The following CLSTN2 variants were observed in gnomAD, a reference collection of about 807,000 sequenced individuals.
CLSTN2 encodes calsyntenin 2.
CLSTN2 carries 48 observed loss-of-function variants against 101.2 expected under a neutral mutation model. The observed-to-expected ratio is 0.47, with a 90% CI of 0.38 to 0.60. The LOEUF is 0.60. CLSTN2 is among the 20% of genes least tolerant of loss of function. CLSTN2 has a pLI of 0.00. For missense variants in CLSTN2, 1,160 were observed against 1,238.2 expected (o/e 0.94, Z 0.95); for synonymous variants, 481 against 463.6 (o/e 1.04, Z -0.48).
intron 1 of CLSTN2, among the ~76,000 whole-genome samples, chr3:140,129,614 T>G (rs576518074): frequency 4.3e-4 from 66 of 152,204 alleles, no homozygotes; most frequent in Non-Finnish European, 6.9e-4. Context: ...AAGGACTGTA[T>G]CTTTCTTCTG....
intron 11 of CLSTN2, among the ~76,000 whole-genome samples, chr3:140,557,472 T>A (rs1322697383): frequency 6.6e-6 from 1 of 152,162 alleles, no homozygotes; most frequent in African/African-American, 2.4e-5. Context: ...TACCTCCAGG[T>A]CGTTGCCACA....
chr3:140,419,046 C>A (rs1408027636), intron 4 of CLSTN2, among the ~76,000 whole-genome samples: 1 of 147,080 alleles, frequency 6.8e-6, no homozygotes, highest in South Asian at 2.1e-4. Context: ...AAAAAAAAAT[C>A]TTTCAAGCAT....
rs765781690 is a variant in CLSTN2 at position 140,403,616 on chromosome 3, C to T, written c.233-13C>T. ...CTCAGGATTCCCACTCACTGTTTTCCATCCTTCTGCAGGGGAAATCTGTGC... is the reference window on the plus strand; with the variant it reads ...CTCAGGATTCCCACTCACTGTTTTCTATCCTTCTGCAGGGGAAATCTGTGC... On this transcript the variant is annotated splice_polypyrimidine_tract_variant and intron_variant, in intron 2 of 16. Transcript: ENST00000458420. 1 of 1,593,396 alleles carries T rather than the reference C, an allele frequency of 6.3e-7. No individual in the cohort carries two copies. The highest frequency in any genetic ancestry group is 8.6e-7 in the Non-Finnish European group (1 of 1,168,224).
At chr3:140,270,564 A>G (rs1252262276) in intron 2 of CLSTN2, among the ~76,000 whole-genome samples, 2 of 152,162 alleles carry the variant, frequency 1.3e-5, no homozygotes, top group Non-Finnish European at 2.9e-5. Flanking sequence ...TGACTCACAC[A>G]TTGGACCAGT....
chr3:140,216,545 T>C (rs2010923618), intron 2 of CLSTN2, among the ~76,000 whole-genome samples: 1 of 152,110 alleles, frequency 6.6e-6, no homozygotes, highest in Non-Finnish European at 1.5e-5. Context: ...CTGTGACTCT[T>C]ACAAAAATTA....
intron 2 of CLSTN2, among the ~76,000 whole-genome samples, chr3:140,294,603 T>C (rs1480618149): frequency 6.6e-6 from 1 of 151,754 alleles, no homozygotes; most frequent in Non-Finnish European, 1.5e-5. Context: ...AGAAACTCCA[T>C]GAGCCTAGGA....
At chr3:140,342,289 C>G (rs80117259) in intron 2 of CLSTN2, among the ~76,000 whole-genome samples, 5,592 of 152,266 alleles carry the variant, frequency 0.037, 120 homozygotes, top group South Asian at 0.073. Flanking sequence ...AATAGCACCA[C>G]TCCCTTAAGT....
rs553856843 is a variant in CLSTN2, at chr3:140,571,511, T to C, written c.*5258T>C. On this transcript the variant is annotated 3_prime_UTR_variant, in exon 17 of 17. Coordinates refer to ENST00000458420, the MANE Select transcript of CLSTN2 (RefSeq NM_022131.3). ...GGCCTCTGGGGGATCCCCAAAGCCT[T>C]CTGCAATGTACTCTGGCAGGCTATG... 3 of 152,348 alleles carry C rather than the reference T, an allele frequency of 2.0e-5. No homozygotes were observed. The East Asian group carries it at 5.8e-4, about 29-fold the overall frequency. The allele number at this position is 152,348 out of a possible 1,614,324, so 9.4% of individuals were successfully genotyped here. A position where few individuals can be genotyped will look rare whatever the true frequency, so the allele number is the denominator to read the frequency against.
chr3:140,439,198 T>C (rs1282033195), intron 5 of CLSTN2, among the ~76,000 whole-genome samples: 1 of 152,248 alleles, frequency 6.6e-6, no homozygotes. Flanking sequence ...CTCAGAGGCC[T>C]GAGCCAGCCA....
chr3:140,164,342 G>A (rs1434873025), intron 1 of CLSTN2, among the ~76,000 whole-genome samples: 1 of 152,014 alleles, frequency 6.6e-6, no homozygotes, highest in Non-Finnish European at 1.5e-5. Flanking sequence ...GGTCCTGTGT[G>A]GGTCCTGATT....
At chr3:139,936,772 T>C (rs1024068905) in intron 1 of CLSTN2, among the ~76,000 whole-genome samples, 17 of 152,302 alleles carry the variant, frequency 1.1e-4, no homozygotes, top group African/African-American at 3.4e-4. Flanking sequence ...GAGAAGAACA[T>C]GGGAGATTAT....
At chr3:139,936,331 G>C (rs542183205) in intron 1 of CLSTN2, among the ~76,000 whole-genome samples, 1 of 152,186 alleles carries the variant, frequency 6.6e-6, no homozygotes. Context: ...TGCAGGGGGT[G>C]GGGAGGCGAG....
chr3:140,520,125 T>C (rs1172873249), intron 8 of CLSTN2, among the ~76,000 whole-genome samples: 1 of 152,228 alleles, frequency 6.6e-6, no homozygotes, highest in Non-Finnish European at 1.5e-5. Flanking sequence ...TGTTGAATAT[T>C]GTCCCCCAGT....
chr3:140,481,555 C>T lies in CLSTN2; in HGVS notation c.1344+14824C>T, dbSNP rs369796074. Among the ~76,000 whole-genome samples, 83 of 152,266 alleles carry T rather than the reference C, an allele frequency of 5.5e-4. 1 individual carries two copies. Among genetic ancestry groups the T allele is most frequent in the South Asian group, 1.4e-3 (7 of 4,828 alleles). ...ACCTTGGGCAGTATGGCCATTTTCACGATATTGATTCTTCCTACCCATGAG... is the reference window on the plus strand; with the variant it reads ...ACCTTGGGCAGTATGGCCATTTTCATGATATTGATTCTTCCTACCCATGAG... On this transcript the variant is annotated intron_variant, in intron 8 of 16. Coordinates refer to ENST00000458420, the MANE Select transcript of CLSTN2 (RefSeq NM_022131.3).
Position 140,459,760 on chromosome 3 carries a change from G to T in CLSTN2, c.1213G>T (p.Asp405Tyr). The change falls in exon 7 of 17, where the codon GAC (aspartate) becomes TAC (tyrosine). Residue 405 changes from aspartate to tyrosine, a missense_variant. Physicochemically the swap from Asp to Tyr is radical, Grantham distance 160 (BLOSUM62 -3). Transcript: ENST00000458420. ...GAAGGAAACCATCCTCTGCAACTCAGACAAAACCGGTGAGTCTCTAGCCCA... is the reference window on the plus strand; with the variant it reads ...GAAGGAAACCATCCTCTGCAACTCATACAAAACCGGTGAGTCTCTAGCCCA... ...AEKETILCNS[D>Y]KTEMNRHHYA... 2 of 1,612,876 alleles carry T rather than the reference G, an allele frequency of 1.2e-6. No individual in the cohort carries two copies. The highest frequency in any genetic ancestry group is 1.1e-5 in the South Asian group (1 of 90,936).
chr3:140,079,269 C>T (rs764466501), intron 1 of CLSTN2, among the ~76,000 whole-genome samples: 1 of 151,986 alleles, frequency 6.6e-6, no homozygotes, highest in Non-Finnish European at 1.5e-5. Flanking sequence ...AGCTGAAGGC[C>T]AAGAAAGAGT....
intron 2 of CLSTN2, among the ~76,000 whole-genome samples, chr3:140,223,503 C>T (rs2086293053): frequency 6.6e-6 from 1 of 152,234 alleles, no homozygotes; most frequent in African/African-American, 2.4e-5. Flanking sequence ...CCGAGAGATG[C>T]ACTTCCAGTT....
chr3:140,557,383 G>A (rs971063335), intron 11 of CLSTN2, among the ~76,000 whole-genome samples: 11 of 152,194 alleles, frequency 7.2e-5, no homozygotes, highest in African/African-American at 1.4e-4. Flanking sequence ...AAAAAACCCC[G>A]CAGATGGTAG....
intron 2 of CLSTN2, among the ~76,000 whole-genome samples, chr3:140,342,603 G>T (rs1038553386): frequency 6.6e-6 from 1 of 152,132 alleles, no homozygotes; most frequent in Admixed American, 6.5e-5. Context: ...CATAATGAGA[G>T]AAAGCAATGA....
Sources: allele counts gnomAD v4.1 joint callset (sites outside exome capture counted in the v4.1 genomes callset), GRCh38; gene constraint gnomAD v4.1.1; transcripts MANE v1.5; gene names NCBI Gene and HGNC (gene_info 2026-07-23, HGNC 2026-07-21).